Variants in SUCLG2 observed in about 807,000 individuals in gnomAD.
SUCLG2 encodes the protein succinate-CoA ligase GDP-forming subunit beta, also known as succinate--CoA ligase [GDP-forming] subunit beta, mitochondrial.
A neutral mutation model predicts 47.9 loss-of-function variants in SUCLG2; 42 were observed. The ratio of observed to expected loss-of-function variants is 0.88; its 90% CI spans 0.69 to 1.14. The LOEUF (loss-of-function observed/expected upper bound fraction) is 1.14. SUCLG2 is among the 50% of genes most tolerant of loss of function. The pLI is 0.00. For synonymous variants in SUCLG2, 195 were observed against 197.3 expected (o/e 0.99, Z 0.10); for missense variants, 571 against 525.9 (o/e 1.09, Z -0.84).
At chr3:67,381,951 T>A (rs376021646) in intron 10 of SUCLG2, among the ~76,000 whole-genome samples, 425 of 152,140 alleles carry the variant, frequency 2.8e-3, no homozygotes, top group African/African-American at 9.6e-3. Context: ...CAAGAGAAAA[T>A]AAAGGTAGTG....
rs182259866 is a variant in SUCLG2 at position 67,453,454 on chromosome 3, C to G, written c.1062+42344G>C. On this transcript the variant is annotated intron_variant, in intron 9 of 10. Coordinates refer to ENST00000307227, the MANE Select transcript of SUCLG2 (RefSeq NM_003848.4). ...CATGGCAGAAGGAATGAAGGAGCTC[C>G]CTTGGGCCTATTTCATAAGGACACT... Among the ~76,000 whole-genome samples, 275 of 152,190 alleles carry G rather than the reference C, an allele frequency of 1.8e-3. 1 individual carries two copies. Among genetic ancestry groups the G allele is most frequent in the African/African-American group, 6.5e-3 (269 of 41,526 alleles).
At chr3:67,529,257 G>A (rs2107147651) in intron 2 of SUCLG2, 71 bp from the exon 3 acceptor site, 2 of 1,142,608 alleles carry the variant, frequency 1.8e-6, no homozygotes, top group East Asian at 2.4e-5. Context: ...AATAAGGAAA[G>A]CAATAATGGC....
At chr3:67,443,212 T>C (rs1703817426) in intron 9 of SUCLG2, among the ~76,000 whole-genome samples, 1 of 152,194 alleles carries the variant, frequency 6.6e-6, no homozygotes, top group Admixed American at 6.5e-5. Context: ...GAGCATGTGC[T>C]GATTTTGGTA....
At chr3:67,384,806 G>A (rs1241598513) in intron 10 of SUCLG2, among the ~76,000 whole-genome samples, 1 of 152,164 alleles carries the variant, frequency 6.6e-6, no homozygotes, top group Non-Finnish European at 1.5e-5. Context: ...TTTTTCCACT[G>A]AGCTGGGATA....
chr3:67,602,985 C>A (rs1708451966), intron 2 of SUCLG2, among the ~76,000 whole-genome samples: 2 of 152,158 alleles, frequency 1.3e-5, no homozygotes. Flanking sequence ...CAGGCAGGCA[C>A]ACAATCAAAT....
chr3:67,433,045 C>CTGT (rs1427659175), intron 9 of SUCLG2, among the ~76,000 whole-genome samples: 1 of 152,146 alleles, frequency 6.6e-6, no homozygotes, highest in Non-Finnish European at 1.5e-5. Context: ...TTATGCTGTA[C>CTGT]TGTTCTCCCC....
chr3:67,474,535 T>C (rs1420023680), intron 9 of SUCLG2, among the ~76,000 whole-genome samples: 2 of 152,220 alleles, frequency 1.3e-5, no homozygotes, highest in African/African-American at 4.8e-5. Flanking sequence ...AGTCTTCCTA[T>C]ATTTGCTCAA....
At chr3:67,507,234 T>A (rs1705660816) in intron 7 of SUCLG2, among the ~76,000 whole-genome samples, 1 of 152,160 alleles carries the variant, frequency 6.6e-6, no homozygotes, top group African/African-American at 2.4e-5. Flanking sequence ...AAAGGTAGCT[T>A]GTTTATAAAT....
intron 2 of SUCLG2, among the ~76,000 whole-genome samples, chr3:67,561,310 T>C: frequency 6.6e-6 from 1 of 152,094 alleles, no homozygotes; most frequent in Non-Finnish European, 1.5e-5. Context: ...CTCATGCTGG[T>C]GGACACAGAT....
chr3:67,451,666 T>G (rs1704059999), intron 9 of SUCLG2, among the ~76,000 whole-genome samples: 1 of 152,172 alleles, frequency 6.6e-6, no homozygotes, highest in Non-Finnish European at 1.5e-5. Flanking sequence ...TACTTTTTAC[T>G]TCTGGTGGGG....
chr3:67,654,436 G>A (rs762725077), intron 1 of SUCLG2, 67 bp downstream of exon 1: 458 of 1,178,856 alleles, frequency 3.9e-4, no homozygotes, highest in Non-Finnish European at 4.6e-4. Flanking sequence ...AGAGTAGCAG[G>A]GGGCGAGGGA....
intron 2 of SUCLG2, among the ~76,000 whole-genome samples, chr3:67,603,660 G>GT (rs1340108669): frequency 6.6e-6 from 1 of 152,120 alleles, no homozygotes; most frequent in East Asian, 1.9e-4. Context: ...TAATCAAATG[G>GT]TAAGAGTCTC....
intron 1 of SUCLG2, among the ~76,000 whole-genome samples, chr3:67,621,495 C>G (rs1287945641): frequency 6.6e-6 from 1 of 152,118 alleles, no homozygotes; most frequent in Non-Finnish European, 1.5e-5. Flanking sequence ...TGTTTCTTCC[C>G]TCCAAAAGTC....
At chr3:67,649,919 C>G (rs890928351) in intron 1 of SUCLG2, among the ~76,000 whole-genome samples, 1 of 152,176 alleles carries the variant, frequency 6.6e-6, no homozygotes, top group African/African-American at 2.4e-5. Context: ...GCCTGCAGAA[C>G]TAGACCAGGG....
intron 9 of SUCLG2, among the ~76,000 whole-genome samples, chr3:67,489,481 C>T (rs1705151000): frequency 6.6e-6 from 1 of 152,136 alleles, no homozygotes; most frequent in South Asian, 2.1e-4. Context: ...ATCAGGTCGA[C>T]TACCACTAGA....
At chr3:67,568,154 C>T (rs564697364) in intron 2 of SUCLG2, among the ~76,000 whole-genome samples, 224 of 152,226 alleles carry the variant, frequency 1.5e-3, no homozygotes, top group Admixed American at 2.8e-3. Flanking sequence ...AAACATTCAT[C>T]GTTGGGCTTA....
intron 9 of SUCLG2, among the ~76,000 whole-genome samples, chr3:67,428,944 G>A (rs1228573241): frequency 1.3e-5 from 2 of 152,144 alleles, no homozygotes; most frequent in Non-Finnish European, 2.9e-5. Context: ...AGAAATATGG[G>A]ACTATGTGAA....
chr3:67,551,470 C>G (rs772303024), intron 2 of SUCLG2, among the ~76,000 whole-genome samples: 57 of 152,180 alleles, frequency 3.7e-4, no homozygotes, highest in Admixed American at 2.6e-4. Context: ...TGGCAGAGAA[C>G]ACAACACTTG....
chr3:67,464,675 T>G (rs1375113629), intron 9 of SUCLG2, among the ~76,000 whole-genome samples: 1 of 152,214 alleles, frequency 6.6e-6, no homozygotes, highest in Non-Finnish European at 1.5e-5. Flanking sequence ...CGAGAAAATA[T>G]TCTTATTAAT....
Sources: allele counts gnomAD v4.1 joint callset (sites outside exome capture counted in the v4.1 genomes callset), GRCh38; gene constraint gnomAD v4.1.1; transcripts MANE v1.5; gene names NCBI Gene and HGNC (gene_info 2026-07-23, HGNC 2026-07-21).